Variants in DLGAP2 observed in about 807,000 individuals in gnomAD.
DLGAP2 encodes disks large-associated protein 2.
DLGAP2 carries 26 observed loss-of-function variants against 100.3 expected under a neutral mutation model. The observed-to-expected ratio is 0.26, with a 90% CI of 0.19 to 0.36. The LOEUF (loss-of-function observed/expected upper bound fraction) is 0.36. Ranked by LOEUF, DLGAP2 falls within the 10% of genes least tolerant of loss-of-function variation. DLGAP2 has a pLI of 1.00. For missense variants in DLGAP2, 1,858 were observed against 1,453.2 expected (o/e 1.28, Z -4.53); for synonymous variants, 886 against 630.1 (o/e 1.41, Z -6.08).
intron 3 of DLGAP2, among the ~76,000 whole-genome samples, chr8:1,480,215 G>C (rs1799053504): frequency 6.6e-6 from 1 of 152,240 alleles, no homozygotes; most frequent in East Asian, 1.9e-4. Flanking sequence ...GGAAACGTGG[G>C]GCTAGATGTA....
chr8:1,598,047 T>G (rs1796513397), intron 6 of DLGAP2, among the ~76,000 whole-genome samples: 1 of 152,332 alleles, frequency 6.6e-6, no homozygotes, highest in East Asian at 1.9e-4. Flanking sequence ...CATCAATACC[T>G]AGTTTATTGA....
chr8:990,043 G>T (rs1212136071), intron 2 of DLGAP2, among the ~76,000 whole-genome samples: 1 of 152,040 alleles, frequency 6.6e-6, no homozygotes, highest in Non-Finnish European at 1.5e-5. Flanking sequence ...CAGCATGATG[G>T]CTTCATTACA....
intron 2 of DLGAP2, among the ~76,000 whole-genome samples, chr8:1,184,866 A>G (rs552587936): frequency 1.2e-3 from 179 of 152,260 alleles, no homozygotes; most frequent in African/African-American, 4.2e-3. Flanking sequence ...CCAGTTAAGG[A>G]TCTCCAGGTT....
intron 12 of DLGAP2, among the ~76,000 whole-genome samples, chr8:1,683,863 T>TATATATATATATATATATA (rs1799030947): frequency 1.4e-5 from 1 of 71,634 alleles, no homozygotes; most frequent in Admixed American, 1.5e-4. Context: ...TATATGTGTG[T>TATATATATATATATATATA]GTGTGTGTGT....
At chr8:1,548,470 A>G (rs1039071212) in intron 4 of DLGAP2, among the ~76,000 whole-genome samples, 156 bp from the exon 5 acceptor site, 1 of 149,676 alleles carries the variant, frequency 6.7e-6, no homozygotes, top group African/African-American at 2.4e-5. Context: ...AAAAAAAAAA[A>G]AAAAAAAAAA....
chr8:1,053,579 C>G (rs1447813744), intron 2 of DLGAP2, among the ~76,000 whole-genome samples: 1 of 152,074 alleles, frequency 6.6e-6, no homozygotes, highest in Non-Finnish European at 1.5e-5. Flanking sequence ...AAGACTGACA[C>G]AGAAACACAC....
At chr8:1,290,883 A>C (rs1471923071) in intron 3 of DLGAP2, among the ~76,000 whole-genome samples, 1 of 152,204 alleles carries the variant, frequency 6.6e-6, no homozygotes, top group African/African-American at 2.4e-5. Flanking sequence ...ACATAACATG[A>C]AATTTACTAC....
chr8:860,407 A>G (rs562222664), intron 1 of DLGAP2, among the ~76,000 whole-genome samples: 6 of 152,224 alleles, frequency 3.9e-5, no homozygotes, highest in Non-Finnish European at 8.8e-5. Flanking sequence ...GGCTCCAGAA[A>G]CACTTTCAAG....
intron 1 of DLGAP2, among the ~76,000 whole-genome samples, chr8:904,790 C>T (rs1798341377): frequency 6.6e-6 from 1 of 152,228 alleles, no homozygotes; most frequent in Admixed American, 6.5e-5. Context: ...CCTGATCTTT[C>T]TCAGCTGCTA....
chr8:1,436,903 C>T (rs1432476828), intron 3 of DLGAP2, among the ~76,000 whole-genome samples: 1 of 152,270 alleles, frequency 6.6e-6, no homozygotes, highest in Non-Finnish European at 1.5e-5. Context: ...TACACAACTT[C>T]TTACCCCTGT....
At chr8:1,527,968 A>G (rs1041981077) in intron 4 of DLGAP2, among the ~76,000 whole-genome samples, 2 of 152,214 alleles carry the variant, frequency 1.3e-5, no homozygotes, top group Middle Eastern at 3.2e-3. Flanking sequence ...TACAATTTTC[A>G]TGGACATTTT....
At chr8:1,082,960 A>G (rs1237662460) in intron 2 of DLGAP2, among the ~76,000 whole-genome samples, 2 of 152,230 alleles carry the variant, frequency 1.3e-5, no homozygotes, top group African/African-American at 2.4e-5. Flanking sequence ...AAATTATAGT[A>G]TGTTGAAATG....
chr8:1,640,019 A>G (rs1797859394), intron 8 of DLGAP2, among the ~76,000 whole-genome samples: 1 of 152,210 alleles, frequency 6.6e-6, no homozygotes, highest in Non-Finnish European at 1.5e-5. Context: ...GGATGCGGAC[A>G]TTTTTGGAGG....
chr8:816,364 G>C (rs1007859733), intron 1 of DLGAP2, among the ~76,000 whole-genome samples: 1 of 151,864 alleles, frequency 6.6e-6, no homozygotes, highest in Non-Finnish European at 1.5e-5. Context: ...GTATCTCAAG[G>C]ATTTGTTTCA....
At chr8:1,473,343 C>T (rs957168173) in intron 3 of DLGAP2, among the ~76,000 whole-genome samples, 2 of 152,172 alleles carry the variant, frequency 1.3e-5, no homozygotes, top group African/African-American at 4.8e-5. Flanking sequence ...AGCAGACTGC[C>T]ACTCAGGGAT....
chr8:987,560 T>C (rs1800524193), intron 2 of DLGAP2, among the ~76,000 whole-genome samples: 1 of 152,180 alleles, frequency 6.6e-6, no homozygotes, highest in Non-Finnish European at 1.5e-5. Flanking sequence ...ACTGGTTTTG[T>C]GGTTGCCCTG....
At chr8:766,454 C>T (rs374462535) in intron 1 of DLGAP2, among the ~76,000 whole-genome samples, 10 of 152,290 alleles carry the variant, frequency 6.6e-5, no homozygotes, top group South Asian at 2.1e-4. Flanking sequence ...TAATGTCCTC[C>T]GGAATTGAAC....
At chr8:957,997 G>C (rs192143657) in intron 2 of DLGAP2, among the ~76,000 whole-genome samples, 3 of 151,970 alleles carry the variant, frequency 2.0e-5, no homozygotes, top group Non-Finnish European at 4.4e-5. Context: ...CTGAAACTCC[G>C]TCATCCCTGT....
intron 2 of DLGAP2, among the ~76,000 whole-genome samples, chr8:982,125 T>G (rs1486237729): frequency 6.6e-6 from 1 of 152,248 alleles, no homozygotes; most frequent in African/African-American, 2.4e-5. Context: ...GGCCTGGCTC[T>G]GGTGCCTTCC....
Sources: gnomAD v4.1 joint callset for allele counts (sites outside exome capture counted in the v4.1 genomes callset) on GRCh38, gnomAD v4.1.1 for gene constraint, MANE v1.5 for transcripts, NCBI Gene and HGNC (gene_info 2026-07-23, HGNC 2026-07-21) for gene names.